PLPP1: variants seen among roughly 807,000 people sequenced by gnomAD.
The protein encoded by PLPP1 is phospholipid phosphatase 1.
A neutral mutation model predicts 31.2 loss-of-function variants in PLPP1; 24 were observed. That is an observed-to-expected ratio of 0.77 (90% CI 0.56 to 1.08). The LOEUF is 1.08. Among genes scored for constraint, PLPP1 ranks in the 50% least tolerant of loss-of-function variants. PLPP1 has a pLI of 0.00. For synonymous variants in PLPP1, 146 were observed against 126.3 expected (o/e 1.16, Z -1.05); for missense variants, 319 against 342.7 (o/e 0.93, Z 0.55).
At position 55,526,939 on chromosome 5, in the gene PLPP1, A is replaced by AG. The variant is rs1431789920; in HGVS notation, c.58+7632_58+7633insC. ...AGAGCGAGATTCCATCTCAAAAAAA[A>AG]AAAAAAAAAAAAAAAGTTAAATAGA... is the stretch of plus-strand genomic sequence containing the variant. On this transcript the variant is annotated intron_variant, in intron 1 of 5. Coordinates refer to ENST00000307259, the MANE Select transcript of PLPP1 (RefSeq NM_003711.4). 2.4e-4 allele frequency among the ~76,000 whole-genome samples: 32 copies of AG among 135,056 alleles called. 1 individual carries two copies. The Admixed American group carries it at 2.4e-3, about 10-fold the overall frequency. 88.6% of individuals were successfully genotyped at this position (135,056 alleles called of 152,430 possible). A position where few individuals can be genotyped will look rare whatever the true frequency, so the allele number is the denominator to read the frequency against.
intron 1 of PLPP1, among the ~76,000 whole-genome samples, chr5:55,514,475 A>G (rs1479536622): frequency 6.6e-6 from 1 of 152,208 alleles, no homozygotes; most frequent in African/African-American, 2.4e-5. Flanking sequence ...CCCACCATAA[A>G]AAAAATTTTA....
chr5:55,446,133 GGACTCACC>G (rs1751759523), intron 3 of PLPP1, among the ~76,000 whole-genome samples: 1 of 151,976 alleles, frequency 6.6e-6, no homozygotes, highest in Non-Finnish European at 1.5e-5. Context: ...TTCTATCTGA[GGACTCACC>G]AATTTGTAGA....
chr5:55,425,351 T>G lies in PLPP1; in HGVS notation c.727-17A>C, dbSNP rs2111645403. On this transcript the variant is annotated splice_polypyrimidine_tract_variant and intron_variant, in intron 5 of 5. Coordinates refer to ENST00000307259, the MANE Select transcript of PLPP1 (RefSeq NM_003711.4). ...ATATACAGCCTACAGTGCAAAATAT[T>G]TAATGGTATAATTTAGATCAAGTTA... 1 of 1,575,416 alleles carries G rather than the reference T, an allele frequency of 6.3e-7. No individual in the cohort carries two copies. Among genetic ancestry groups the G allele is most frequent in the South Asian group, 1.1e-5 (1 of 88,208 alleles).
chr5:55,532,696 C>T (rs1216912393), intron 1 of PLPP1, among the ~76,000 whole-genome samples: 1 of 152,150 alleles, frequency 6.6e-6, no homozygotes, highest in African/African-American at 2.4e-5. Flanking sequence ...CGGTGGTTGA[C>T]GCCTGTAATC....
At chr5:55,471,691 G>A (rs1752418255) in intron 2 of PLPP1, among the ~76,000 whole-genome samples, 1 of 152,026 alleles carries the variant, frequency 6.6e-6, no homozygotes, top group South Asian at 2.1e-4. Flanking sequence ...CAAGGCCCTG[G>A]TATGCAGTCT....
intron 1 of PLPP1, among the ~76,000 whole-genome samples, chr5:55,522,359 T>C (rs1753688721): frequency 6.6e-6 from 1 of 152,236 alleles, no homozygotes; most frequent in Non-Finnish European, 1.5e-5. Flanking sequence ...TAATAGTTAT[T>C]GGGAGTCTGA....
chr5:55,514,484 T>A (rs1753511926), intron 1 of PLPP1, among the ~76,000 whole-genome samples: 1 of 152,208 alleles, frequency 6.6e-6, no homozygotes, highest in Non-Finnish European at 1.5e-5. Context: ...AAAAAAATTT[T>A]AAATCTTAAA....
chr5:55,452,083 C>T (rs557801316), intron 3 of PLPP1, among the ~76,000 whole-genome samples: 1 of 152,146 alleles, frequency 6.6e-6, no homozygotes, highest in African/African-American at 2.4e-5. Flanking sequence ...AGTAAACACA[C>T]TCTTCCTAAG....
chr5:55,453,676 C>T (rs1165870050), intron 3 of PLPP1, among the ~76,000 whole-genome samples: 3 of 152,148 alleles, frequency 2.0e-5, no homozygotes, highest in Non-Finnish European at 2.9e-5. Context: ...ACCGTTGGCT[C>T]CCACCTGTAA....
chr5:55,475,262 CA>C, intron 2 of PLPP1, 36 bp downstream of exon 2: 2 of 1,559,770 alleles, frequency 1.3e-6, no homozygotes, highest in Admixed American at 1.9e-5. Context: ...GCCAAGTGCC[CA>C]AAAGTTATAA....
At chr5:55,530,859 G>A (rs1350483514) in intron 1 of PLPP1, among the ~76,000 whole-genome samples, 1 of 152,240 alleles carries the variant, frequency 6.6e-6, no homozygotes, top group Non-Finnish European at 1.5e-5. Flanking sequence ...TGGCCGCGGA[G>A]AGGTCCTCAG....
chr5:55,439,356 C>T (rs1054530946), intron 4 of PLPP1, among the ~76,000 whole-genome samples: 2 of 152,130 alleles, frequency 1.3e-5, no homozygotes, highest in Non-Finnish European at 2.9e-5. Flanking sequence ...GTAACCAATC[C>T]GGCAGTTTCT....
chr5:55,466,423 C>T (rs1752296368), intron 3 of PLPP1, among the ~76,000 whole-genome samples: 1 of 152,110 alleles, frequency 6.6e-6, no homozygotes, highest in Non-Finnish European at 1.5e-5. Flanking sequence ...AAGCTACTGG[C>T]CGGGTGCCAT....
chr5:55,489,159 T>C (rs1287251741), intron 1 of PLPP1, among the ~76,000 whole-genome samples: 4 of 152,062 alleles, frequency 2.6e-5, no homozygotes, highest in African/African-American at 4.8e-5. Context: ...GATTACACAA[T>C]TGCACTCCAG....
intron 4 of PLPP1, 28 bp from the exon 5 acceptor site, chr5:55,426,067 AGTTT>A (rs925462506): frequency 6.5e-7 from 1 of 1,543,484 alleles, no homozygotes; most frequent in Non-Finnish European, 8.7e-7. Context: ...AGAAAAAAAT[AGTTT>A]ATTTAACATA....
intron 4 of PLPP1, among the ~76,000 whole-genome samples, chr5:55,429,348 G>A (rs889739913): frequency 6.6e-6 from 1 of 151,998 alleles, no homozygotes; most frequent in African/African-American, 2.4e-5. Context: ...TCACCTAAGA[G>A]AGAATGCTGG....
intron 1 of PLPP1, among the ~76,000 whole-genome samples, chr5:55,533,585 A>T (rs1740760698): frequency 6.6e-6 from 1 of 152,204 alleles, no homozygotes; most frequent in East Asian, 1.9e-4. Flanking sequence ...ACTTCCATCC[A>T]GGTGGCTAAA....
At chr5:55,486,891 C>A (rs540591553) in intron 1 of PLPP1, among the ~76,000 whole-genome samples, 2 of 151,552 alleles carry the variant, frequency 1.3e-5, no homozygotes, top group Non-Finnish European at 2.9e-5. Context: ...CCAGCTTGGG[C>A]GACAGAGCGA....
chr5:55,434,132 C>CAAA (rs528979124), intron 4 of PLPP1, among the ~76,000 whole-genome samples: 4 of 53,046 alleles, frequency 7.5e-5, no homozygotes, highest in African/African-American at 2.6e-4. Context: ...GACTCTGTCT[C>CAAA]AAAAAAAAAA....
Sources: gnomAD v4.1 joint callset for allele counts (sites outside exome capture counted in the v4.1 genomes callset) on GRCh38, gnomAD v4.1.1 for gene constraint, MANE v1.5 for transcripts, NCBI Gene and HGNC (gene_info 2026-07-23, HGNC 2026-07-21) for gene names.